The following DYNC2H1 variants were observed in gnomAD, a reference collection of about 807,000 sequenced individuals.
The protein encoded by DYNC2H1 is dynein cytoplasmic 2 heavy chain 1.
In DYNC2H1, 410 loss-of-function variants were observed where a neutral mutation model predicts 570.0. The ratio of observed to expected loss-of-function variants is 0.72; its 90% CI spans 0.66 to 0.78. The LOEUF is 0.78. Ranked by LOEUF, DYNC2H1 falls within the 30% of genes least tolerant of loss-of-function variation. The probability of loss-of-function intolerance (pLI) is 0.00; values close to 1 mark genes in which losing one functional copy is unlikely to be tolerated. For missense variants in DYNC2H1, 4,865 were observed against 5,046.4 expected (o/e 0.96, Z 1.09); for synonymous variants, 1,688 against 1,677.6 (o/e 1.01, Z -0.15).
At position 103,287,565 on chromosome 11, in the gene DYNC2H1, A is replaced by T; in HGVS notation, c.11055A>T (p.Arg3685Ser). The T allele has an allele frequency of 6.2e-7, 1 of 1,612,130 alleles. No individual in the cohort carries two copies. Among genetic ancestry groups the T allele is most frequent in the Non-Finnish European group, 8.5e-7 (1 of 1,178,982 alleles). The part of the protein sequence containing the change: ...ILVVQALRPD[R>S]LQSAMALFAC... ...TAGTACAGGCGCTAAGACCGGACAG[A>T]TTGCAAAGTGCCATGGCTCTTTTTG... The change falls in exon 75 of 89, where the codon AGA (arginine) becomes AGT (serine). Residue 3685 changes from arginine (R) to serine (S), a missense_variant. Arg to Ser is a moderately radical substitution (Grantham distance 110, BLOSUM62 -1). Around this residue, in one of 5 missense-constraint regions of DYNC2H1, gnomAD observed 2,401 missense variants for 2,454.6 expected, o/e 0.98. Coordinates refer to ENST00000375735, the MANE Select transcript of DYNC2H1 (RefSeq NM_001377.3).
At position 103,181,461 on chromosome 11, in the gene DYNC2H1, G is replaced by A. The variant is rs752382232; in HGVS notation, c.6348-296G>A. On this transcript the variant is annotated intron_variant, in intron 39 of 88. Coordinates refer to ENST00000375735, the MANE Select transcript of DYNC2H1 (RefSeq NM_001377.3). The surrounding 1 kb of genome is among the most constrained non-coding windows in gnomAD (Gnocchi z 5.0). ...TAGGTTGTGTAGATATATAATTCTC[G>A]TTTAGTTTATATTTATAATAAAATA... Among the ~76,000 whole-genome samples, 3 of 151,218 alleles carry A rather than the reference G, an allele frequency of 2.0e-5. No individual in the cohort carries two copies. The highest frequency in any genetic ancestry group is 4.4e-5 in the Non-Finnish European group (3 of 67,592).
chr11:103,447,695 T>C (rs946170632), intron 85 of DYNC2H1, among the ~76,000 whole-genome samples: 8 of 152,144 alleles, frequency 5.3e-5, no homozygotes, highest in Admixed American at 2.0e-4. Flanking sequence ...TATAACTAAG[T>C]TTTTTAAGGC....
intron 70 of DYNC2H1, among the ~76,000 whole-genome samples, chr11:103,266,871 AGTCT>A (rs1865528759): frequency 6.6e-6 from 1 of 152,190 alleles, no homozygotes; most frequent in African/African-American, 2.4e-5. Context: ...TAAAACAGCC[AGTCT>A]AATGGGCAAG....
At position 103,445,976 on chromosome 11, in the gene DYNC2H1, G is replaced by A. The variant is rs375118666; in HGVS notation, c.12457-9210G>A. Among the ~76,000 whole-genome samples the A allele has an allele frequency of 4.6e-5, 7 of 152,042 alleles. No homozygotes were observed. In the East Asian group the frequency reaches 5.8e-4, roughly 13 times the overall value. ...CCTTGATTTCAAAGTTTTGTCCTAA[G>A]CAGTTGGTTAAGTGGTTTAGTGAGT... On this transcript the variant is annotated intron_variant, in intron 85 of 88. Transcript: ENST00000375735.
intron 80 of DYNC2H1, among the ~76,000 whole-genome samples, chr11:103,316,988 A>C (rs1435263658): frequency 1.3e-5 from 2 of 152,154 alleles, no homozygotes; most frequent in African/African-American, 4.8e-5. Flanking sequence ...ATTACTAAGT[A>C]GGATTCAGGA....
intron 84 of DYNC2H1, among the ~76,000 whole-genome samples, chr11:103,425,908 T>A (rs1323247285): frequency 6.6e-6 from 1 of 151,510 alleles, no homozygotes. Context: ...ATTAGTATGT[T>A]GTTGGGAACA....
In DYNC2H1 at chr11:103,135,856, A is replaced by T; in HGVS notation, c.2482A>T (p.Met828Leu). 6.2e-7 allele frequency: 1 copy of T among 1,613,198 alleles called. No homozygotes were observed. Among genetic ancestry groups the T allele is most frequent in the Non-Finnish European group, 8.5e-7 (1 of 1,179,588 alleles). The stretch of plus-strand genomic sequence containing the variant: ...AGGAGATGAATCTATTTTTTCTATT[A>T]TGATTGATAGAAATGCAAGTGGATT... Reference protein sequence around the residue: ...EAGDESIFSIMIDRNASGFLT... With the variant: ...EAGDESIFSILIDRNASGFLT... The change falls in exon 17 of 89, where the codon ATG becomes TTG. Residue 828 changes from methionine to leucine, a missense_variant. Physicochemically the swap from Met to Leu is conservative, Grantham distance 15. Coordinates refer to ENST00000375735, the MANE Select transcript of DYNC2H1 (RefSeq NM_001377.3).
chr11:103,366,879 T>C, intron 83 of DYNC2H1, among the ~76,000 whole-genome samples: 1 of 152,162 alleles, frequency 6.6e-6, no homozygotes, highest in Non-Finnish European at 1.5e-5. Flanking sequence ...AAATTTGATA[T>C]CCCTTTGATA....
chr11:103,358,237 AT>A lies in DYNC2H1; in HGVS notation c.12040-4del. On this transcript the variant is annotated splice_polypyrimidine_tract_variant and splice_region_variant and intron_variant, in intron 82 of 88. Coordinates refer to ENST00000375735, the MANE Select transcript of DYNC2H1 (RefSeq NM_001377.3). ...ATTTGTTGATACTTATTATTTTTTT[AT>A]TCAGGTTATTTCACAGTTGAGGATT... The A allele has an allele frequency of 6.7e-7, 1 of 1,501,320 alleles. No individual in the cohort carries two copies. The highest frequency in any genetic ancestry group is 9.0e-7 in the Non-Finnish European group (1 of 1,107,356). The allele number at this position is 1,501,320 out of a possible 1,614,324, so 93.0% of individuals were successfully genotyped here. A position where few individuals can be genotyped will look rare whatever the true frequency, so the allele number is the denominator to read the frequency against.
chr11:103,312,279 C>T (rs1285026226), intron 79 of DYNC2H1, among the ~76,000 whole-genome samples: 1 of 150,842 alleles, frequency 6.6e-6, no homozygotes, highest in Non-Finnish European at 1.5e-5. Context: ...ACTCTGGAGG[C>T]TGAGGCAGGA....
At position 103,255,401 on chromosome 11, in the gene DYNC2H1, T is replaced by C; in HGVS notation, c.10207-14T>C. 1 of 1,546,956 alleles carries C rather than the reference T, an allele frequency of 6.5e-7. No individual in the cohort carries two copies. Among genetic ancestry groups the C allele is most frequent in the South Asian group, 1.2e-5 (1 of 81,706 alleles). On this transcript the variant is annotated splice_polypyrimidine_tract_variant and intron_variant, in intron 66 of 88. Coordinates refer to ENST00000375735, the MANE Select transcript of DYNC2H1 (RefSeq NM_001377.3). The stretch of plus-strand genomic sequence containing the variant: ...CTTATTGCTAGAATTACCTTGTCTT[T>C]TTGTTATCCCAAGCTTTTAGCTTTA...
At chr11:103,444,120 A>G (rs1944354606) in intron 85 of DYNC2H1, among the ~76,000 whole-genome samples, 1 of 150,180 alleles carries the variant, frequency 6.7e-6, no homozygotes, top group Non-Finnish European at 1.5e-5. Flanking sequence ...TTTCTTGACT[A>G]AAATGTTTCC....
chr11:103,286,475 A>T, intron 74 of DYNC2H1, 89 bp downstream of exon 74: 2 of 1,463,792 alleles, frequency 1.4e-6, no homozygotes, highest in Middle Eastern at 4.8e-4. Context: ...TTGCTTTTAG[A>T]GTGTTACTTT....
At chr11:103,351,770 C>T (rs753385700) in intron 82 of DYNC2H1, among the ~76,000 whole-genome samples, 1 of 151,920 alleles carries the variant, frequency 6.6e-6, no homozygotes, top group Non-Finnish European at 1.5e-5. Flanking sequence ...TTTTTACTAG[C>T]CTTTGTAACA....
chr11:103,266,672 G>C (rs752444488), intron 70 of DYNC2H1, among the ~76,000 whole-genome samples: 9 of 152,168 alleles, frequency 5.9e-5, no homozygotes, highest in Non-Finnish European at 7.3e-5. Context: ...GTGGATCGTG[G>C]GGAAGCTGGA....
intron 84 of DYNC2H1, among the ~76,000 whole-genome samples, chr11:103,423,208 T>G (rs2135720455): frequency 6.6e-6 from 1 of 151,848 alleles, no homozygotes; most frequent in African/African-American, 2.4e-5. Context: ...TGGAATGGAA[T>G]CCATTAATCA....
At chr11:103,441,886 G>A (rs889368426) in intron 85 of DYNC2H1, among the ~76,000 whole-genome samples, 1 of 151,870 alleles carries the variant, frequency 6.6e-6, no homozygotes, top group African/African-American at 2.4e-5. Flanking sequence ...CTGTATTTTG[G>A]AAGGTTCTGC....
intron 84 of DYNC2H1, among the ~76,000 whole-genome samples, chr11:103,415,683 C>A (rs1943255427): frequency 6.6e-6 from 1 of 152,172 alleles, no homozygotes; most frequent in African/African-American, 2.4e-5. Flanking sequence ...GAAATAGGAA[C>A]ACTTTTACAC....
chr11:103,335,425 C>G (rs1313872320), intron 82 of DYNC2H1, among the ~76,000 whole-genome samples: 1 of 151,846 alleles, frequency 6.6e-6, no homozygotes, highest in Non-Finnish European at 1.5e-5. Flanking sequence ...AAGTTAGAAG[C>G]TGTTAGAAAT....
Sources: gnomAD v4.1 joint callset for allele counts (sites outside exome capture counted in the v4.1 genomes callset) on GRCh38, gnomAD v4.1.1 for gene constraint, gnomAD v4.1.1 regional missense constraint, Gnocchi (gnomAD v3.1) non-coding constraint, MANE v1.5 for transcripts, NCBI Gene and HGNC (gene_info 2026-07-23, HGNC 2026-07-21) for gene names.